RALGAPA2: variants seen among roughly 807,000 people sequenced by gnomAD.
RALGAPA2 encodes the protein ral GTPase-activating protein subunit alpha-2.
A neutral mutation model predicts 230.4 loss-of-function variants in RALGAPA2; 139 were observed. The observed-to-expected ratio is 0.60, with a 90% CI of 0.53 to 0.69. The LOEUF (loss-of-function observed/expected upper bound fraction) is 0.69, where lower values mean the gene tolerates loss of function less well. Among genes scored for constraint, RALGAPA2 ranks in the 30% least tolerant of loss-of-function variants. The probability of loss-of-function intolerance (pLI) is 0.00; values close to 1 mark genes in which losing one functional copy is unlikely to be tolerated. For synonymous variants in RALGAPA2, 847 were observed against 837.8 expected (o/e 1.01, Z -0.19); for missense variants, 2,163 against 2,276.0 (o/e 0.95, Z 1.01).
chr20:20,588,708 T>G (rs2065202125), intron 18 of RALGAPA2, among the ~76,000 whole-genome samples: 2 of 152,198 alleles, frequency 1.3e-5, no homozygotes, highest in Non-Finnish European at 2.9e-5. Flanking sequence ...CTTCCCTTTT[T>G]TATTTTGTAT....
intron 37 of RALGAPA2, among the ~76,000 whole-genome samples, chr20:20,424,832 C>T (rs80317326): frequency 0.012 from 1,841 of 151,448 alleles, 42 homozygotes; most frequent in African/African-American, 0.042. Flanking sequence ...TGCAGAACTG[C>T]CTCTAAATGT....
chr20:20,710,616 G>A (rs1179472254), intron 1 of RALGAPA2, among the ~76,000 whole-genome samples: 1 of 152,082 alleles, frequency 6.6e-6, no homozygotes, highest in Admixed American at 6.5e-5. Context: ...AGGTCATGAT[G>A]AGTTCAGTGA....
intron 24 of RALGAPA2, among the ~76,000 whole-genome samples, chr20:20,544,566 C>T (rs2063731528): frequency 6.6e-6 from 1 of 152,090 alleles, no homozygotes; most frequent in Admixed American, 6.5e-5. Context: ...AAGACACATG[C>T]ACATGTATGT....
At chr20:20,685,228 C>T (rs916294666) in intron 1 of RALGAPA2, among the ~76,000 whole-genome samples, 7 of 151,990 alleles carry the variant, frequency 4.6e-5, no homozygotes, top group African/African-American at 1.7e-4. Context: ...TCAACAAGTG[C>T]GGTGCTAAGC....
In RALGAPA2 at chr20:20,400,018, G is replaced by A. The variant is rs116149395; in HGVS notation, c.5618-3284C>T. Among the ~76,000 whole-genome samples, 285 of 152,324 alleles carry A rather than the reference G, an allele frequency of 1.9e-3. 1 individual carries two copies. Among genetic ancestry groups the A allele is most frequent in the African/African-American group, 6.4e-3 (267 of 41,564 alleles). ...TGAGGGAGAGAAACAGTGGACTAGG[G>A]CTCCAGCTTTAGGCAAGTGCTAAAT... is the stretch of plus-strand genomic sequence containing the variant. On this transcript the variant is annotated intron_variant, in intron 38 of 39. Coordinates refer to ENST00000202677, the MANE Select transcript of RALGAPA2 (RefSeq NM_020343.4).
rs769609649 is a variant in RALGAPA2, at chr20:20,584,844, CA to C, written c.2530+20del. On this transcript the variant is annotated intron_variant, in intron 19 of 39. Transcript: ENST00000202677. ...CATATCAACTCTGTAGTTGGAGGAA[CA>C]GACATTTCCCGGAACTTACTCTTCT... 85 of 1,533,690 alleles carry C rather than the reference CA, an allele frequency of 5.5e-5. No individual in the cohort carries two copies. In the South Asian group the frequency reaches 9.5e-4, roughly 17 times the overall value.
At chr20:20,687,915 C>G (rs1054769054) in intron 1 of RALGAPA2, among the ~76,000 whole-genome samples, 9 of 152,180 alleles carry the variant, frequency 5.9e-5, no homozygotes, top group Admixed American at 2.0e-4. Context: ...CAACAGTGAT[C>G]CATGCTAGCC....
intron 3 of RALGAPA2, among the ~76,000 whole-genome samples, chr20:20,659,094 A>G (rs2067685233): frequency 6.6e-6 from 1 of 152,248 alleles, no homozygotes; most frequent in Admixed American, 6.5e-5. Flanking sequence ...GTTTAAAAGA[A>G]CAGAGGTCTT....
At chr20:20,530,288 C>T (rs375280741) in intron 27 of RALGAPA2, among the ~76,000 whole-genome samples, 1 of 152,212 alleles carries the variant, frequency 6.6e-6, no homozygotes, top group East Asian at 1.9e-4. Context: ...CAGGGCTCAG[C>T]ACCCTGCTGT....
chr20:20,519,996 C>T (rs529178008), intron 31 of RALGAPA2, among the ~76,000 whole-genome samples: 68 of 152,176 alleles, frequency 4.5e-4, no homozygotes, highest in Admixed American at 1.9e-3. Context: ...ATCTGCTCGC[C>T]TTGGCCTCCC....
chr20:20,397,694 G>A (rs1057448883), intron 38 of RALGAPA2, among the ~76,000 whole-genome samples: 2 of 152,186 alleles, frequency 1.3e-5, no homozygotes, highest in Non-Finnish European at 2.9e-5. Context: ...CACAGTGACA[G>A]GGGCAAACTT....
At chr20:20,523,010 T>C (rs879516228) in intron 30 of RALGAPA2, among the ~76,000 whole-genome samples, 2 of 152,092 alleles carry the variant, frequency 1.3e-5, no homozygotes, top group Non-Finnish European at 2.9e-5. Flanking sequence ...AAATACTTTT[T>C]AGTAGAATTT....
chr20:20,677,650 TTTTTTTTTTTTG>T, intron 2 of RALGAPA2, among the ~76,000 whole-genome samples: 1 of 131,974 alleles, frequency 7.6e-6, no homozygotes. Flanking sequence ...TTTTTTTTTT[TTTTTTTTTTTTG>T]AGATGGAGTC....
At chr20:20,575,968 T>C (rs887265213) in intron 20 of RALGAPA2, among the ~76,000 whole-genome samples, 16 of 152,196 alleles carry the variant, frequency 1.1e-4, no homozygotes, top group Non-Finnish European at 1.5e-4. Context: ...TTTAATAATA[T>C]GCATTATTAT....
At chr20:20,594,205 A>G (rs2295209) in intron 16 of RALGAPA2, among the ~76,000 whole-genome samples, 12,972 of 152,258 alleles carry the variant, frequency 0.085, 808 homozygotes, top group African/African-American at 0.16. Context: ...GATTTGTAAC[A>G]GTATATTTAT....
chr20:20,675,761 T>G (rs1052190270), intron 3 of RALGAPA2, among the ~76,000 whole-genome samples: 1 of 152,124 alleles, frequency 6.6e-6, no homozygotes, highest in Non-Finnish European at 1.5e-5. Context: ...CAAAAAAAGT[T>G]TTTGCATGTC....
intron 37 of RALGAPA2, among the ~76,000 whole-genome samples, chr20:20,455,575 C>T (rs1326827737): frequency 6.6e-6 from 1 of 152,178 alleles, no homozygotes; most frequent in African/African-American, 2.4e-5. Context: ...CAAACCACTG[C>T]CACAGAGGAC....
chr20:20,645,524 A>G (rs1013885485), intron 4 of RALGAPA2, among the ~76,000 whole-genome samples: 1 of 152,210 alleles, frequency 6.6e-6, no homozygotes, highest in Admixed American at 6.5e-5. Flanking sequence ...GCAGACATAT[A>G]GAACACATGA....
intron 37 of RALGAPA2, among the ~76,000 whole-genome samples, chr20:20,445,972 C>T (rs1391962986): frequency 6.6e-6 from 1 of 151,568 alleles, no homozygotes; most frequent in Admixed American, 6.6e-5. Context: ...TTTTTAATGA[C>T]TGAATTTACA....
Sources: gnomAD v4.1 joint callset for allele counts (sites outside exome capture counted in the v4.1 genomes callset) on GRCh38, gnomAD v4.1.1 for gene constraint, MANE v1.5 for transcripts, NCBI Gene and HGNC (gene_info 2026-07-23, HGNC 2026-07-21) for gene names.